The following MPRIP variants were observed in gnomAD, a reference collection of about 807,000 sequenced individuals.
MPRIP encodes myosin phosphatase Rho-interacting protein.
A neutral mutation model predicts 234.9 loss-of-function variants in MPRIP; 59 were observed. The observed-to-expected ratio is 0.25, with a 90% CI of 0.20 to 0.31. The LOEUF is 0.31. Among genes scored for constraint, MPRIP ranks in the 10% least tolerant of loss-of-function variants. The pLI, the probability that MPRIP is intolerant of heterozygous loss-of-function variation, is 1.00. For synonymous variants in MPRIP, 1,144 were observed against 1,263.9 expected, an observed-to-expected ratio of 0.91 and a Z score of 2.01; for missense variants, 2,436 against 3,071.0, an observed-to-expected ratio of 0.79 and a Z score of 4.89.
chr17:17,169,325 A>G (rs921023933), intron 16 of MPRIP, among the ~76,000 whole-genome samples: 2 of 152,192 alleles, frequency 1.3e-5, no homozygotes, highest in Non-Finnish European at 2.9e-5. Flanking sequence ...AGCAGGGTCC[A>G]TGGGGGCAGG....
intron 1 of MPRIP, among the ~76,000 whole-genome samples, chr17:17,056,034 T>G (rs1010425049): frequency 5.3e-5 from 8 of 152,172 alleles, no homozygotes; most frequent in African/African-American, 1.9e-4. Flanking sequence ...CTTCCCTGTC[T>G]CCACATGACT....
chr17:17,175,998 A>C (rs1330643970), intron 20 of MPRIP, among the ~76,000 whole-genome samples: 1 of 152,178 alleles, frequency 6.6e-6, no homozygotes, highest in Non-Finnish European at 1.5e-5. Context: ...TGGTGTGATC[A>C]GCTCCTGCCC....
intron 5 of MPRIP, among the ~76,000 whole-genome samples, chr17:17,135,297 TC>T (rs1437749462): frequency 6.6e-6 from 1 of 152,016 alleles, no homozygotes; most frequent in Non-Finnish European, 1.5e-5. Context: ...AGCTACCACT[TC>T]CAGAACCATG....
At chr17:17,104,754 C>T (rs2090031282) in intron 3 of MPRIP, among the ~76,000 whole-genome samples, 1 of 152,166 alleles carries the variant, frequency 6.6e-6, no homozygotes, top group South Asian at 2.1e-4. Flanking sequence ...CCGCTGCCTC[C>T]CTTCGGAGCA....
chr17:17,161,765 C>A (rs1429291354), intron 15 of MPRIP, among the ~76,000 whole-genome samples: 1 of 152,184 alleles, frequency 6.6e-6, no homozygotes, highest in African/African-American at 2.4e-5. Context: ...CACAGCAAGT[C>A]CAGTGCCTGC....
intron 7 of MPRIP, chr17:17,141,654 C>T (rs2090821474): frequency 6.6e-6 from 1 of 152,380 alleles, no homozygotes; most frequent in Non-Finnish European, 1.5e-5. Flanking sequence ...CTTGTTTCCT[C>T]TCTTCCTTGT....
intron 3 of MPRIP, among the ~76,000 whole-genome samples, chr17:17,102,693 T>C (rs987195556): frequency 6.6e-6 from 1 of 152,056 alleles, no homozygotes; most frequent in African/African-American, 2.4e-5. Context: ...CAGGTACCCC[T>C]CACTCTGTGG....
intron 5 of MPRIP, among the ~76,000 whole-genome samples, chr17:17,132,736 C>T (rs2090622053): frequency 6.6e-6 from 1 of 152,204 alleles, no homozygotes; most frequent in Admixed American, 6.5e-5. Flanking sequence ...ATCCACCCTC[C>T]ATCCTGGGGT....
chr17:17,185,650 G>C lies in MPRIP; in HGVS notation c.*756G>C, dbSNP rs946325536. 2.4e-4 allele frequency: 103 copies of C among 420,776 alleles called. No individual in the cohort carries two copies. The highest frequency in any genetic ancestry group is 3.4e-4 in the Admixed American group (13 of 38,004). The allele number at this position is 420,776 out of a possible 1,614,324, so 26.1% of individuals were successfully genotyped here. On this transcript the variant is annotated 3_prime_UTR_variant, in exon 24 of 24. Coordinates refer to ENST00000651222, the MANE Select transcript of MPRIP (RefSeq NM_001364716.4). ...AACCCTGGTCTTTTCATAACTGCTCGAGATTGTTGACCTGCAGCCCAGGTT... is the reference window on the plus strand; with the variant it reads ...AACCCTGGTCTTTTCATAACTGCTCCAGATTGTTGACCTGCAGCCCAGGTT...
Position 17,042,666 on chromosome 17 carries a change from C to A in MPRIP, c.-183C>A. On this transcript the variant is annotated 5_prime_UTR_variant, in exon 1 of 24. Coordinates refer to ENST00000651222, the MANE Select transcript of MPRIP (RefSeq NM_001364716.4). ...GCTGGGCGTCGCGCGCGCTGTGAGG[C>A]CCGGGCGGCTCAGGAGCCTCGGCGC... The A allele has an allele frequency of 1.8e-6, 1 of 540,750 alleles. No homozygotes were observed. The highest frequency in any genetic ancestry group is 2.3e-6 in the Non-Finnish European group (1 of 426,400). The allele number at this position is 540,750 out of a possible 1,614,324, so 33.5% of individuals were successfully genotyped here.
intron 1 of MPRIP, among the ~76,000 whole-genome samples, chr17:17,045,123 C>T (rs1438237887): frequency 2.0e-5 from 3 of 152,176 alleles, no homozygotes; most frequent in Non-Finnish European, 2.9e-5. Context: ...CTTCCTGCTG[C>T]CCCTCCCAGC....
rs1471079237 is a variant in MPRIP at position 17,042,470 on chromosome 17, C to G, written c.-379C>G. 1 of 146,688 alleles carries G rather than the reference C, an allele frequency of 6.8e-6. No individual in the cohort carries two copies. Among genetic ancestry groups the G allele is most frequent in the Non-Finnish European group, 1.5e-5 (1 of 65,858 alleles). The allele number at this position is 146,688 out of a possible 1,614,324, so 9.1% of individuals were successfully genotyped here. A position where few individuals can be genotyped will look rare whatever the true frequency, so the allele number is the denominator to read the frequency against. ...CCGCCCGCCCCCGTAGTGCGTGAGG[C>G]GCTCCGGTCCCATTTGCAGCGGCCG... On this transcript the variant is annotated 5_prime_UTR_variant, in exon 1 of 24. Transcript: ENST00000651222.
chr17:17,080,513 T>G (rs2089437485), intron 3 of MPRIP, among the ~76,000 whole-genome samples: 1 of 152,200 alleles, frequency 6.6e-6, no homozygotes, highest in South Asian at 2.1e-4. Flanking sequence ...TGCCTGGAAA[T>G]AGACCAGTGG....
chr17:17,131,686 G>GC lies in MPRIP; in HGVS notation c.495dup (p.Thr166HisfsTer29), dbSNP rs35475777. 6.2e-7 allele frequency: 1 copy of GC among 1,613,982 alleles called. No individual in the cohort carries two copies. The highest frequency in any genetic ancestry group is 1.1e-5 in the South Asian group (1 of 91,082). ...ATCAGAAGAAGAAACGGAAAGTGGAGCCCCCCACACCACAGGTAGGCAGTG... is the reference window on the plus strand; with the variant it reads ...ATCAGAAGAAGAAACGGAAAGTGGAGCCCCCCCACACCACAGGTAGGCAGTG... On this transcript the variant is annotated frameshift_variant, in exon 5 of 24. Coordinates refer to ENST00000651222, the MANE Select transcript of MPRIP (RefSeq NM_001364716.4). LOFTEE classifies it high-confidence loss of function.
At position 17,042,471 on chromosome 17, in the gene MPRIP, G is replaced by A. The variant is rs1191030405; in HGVS notation, c.-378G>A. 1 of 146,264 alleles carries A rather than the reference G, an allele frequency of 6.8e-6. No individual in the cohort carries two copies. The highest frequency in any genetic ancestry group is 2.5e-5 in the African/African-American group (1 of 40,526). The allele number at this position is 146,264 out of a possible 1,614,324, so 9.1% of individuals were successfully genotyped here. A position where few individuals can be genotyped will look rare whatever the true frequency, so the allele number is the denominator to read the frequency against. ...CGCCCGCCCCCGTAGTGCGTGAGGC[G>A]CTCCGGTCCCATTTGCAGCGGCCGC... On this transcript the variant is annotated 5_prime_UTR_variant, in exon 1 of 24. Transcript: ENST00000651222.
chr17:17,146,139 G>T, intron 10 of MPRIP, 47 bp downstream of exon 10: 1 of 1,562,902 alleles, frequency 6.4e-7, no homozygotes, highest in Non-Finnish European at 8.8e-7. Flanking sequence ...TGGGGACAGG[G>T]TGAGGGTGAG....
Position 17,186,763 on chromosome 17 carries a change from G to T in MPRIP, c.*1869G>T, listed in dbSNP as rs1173720514. ...AGACCCCCCCTGACCATTTAGATTG[G>T]CAGTGCTTTGAGAAATGCACTATGA... On this transcript the variant is annotated 3_prime_UTR_variant, in exon 24 of 24. Transcript: ENST00000651222. 1 of 152,176 alleles carries T rather than the reference G, an allele frequency of 6.6e-6. No individual in the cohort carries two copies. Among genetic ancestry groups the T allele is most frequent in the Non-Finnish European group, 1.5e-5 (1 of 68,050 alleles). 9.4% of individuals were successfully genotyped at this position (152,176 alleles called of 1,614,324 possible).
At chr17:17,156,371 G>C (rs531336840) in intron 13 of MPRIP, among the ~76,000 whole-genome samples, 3,453 of 152,306 alleles carry the variant, frequency 0.023, 101 homozygotes, top group Middle Eastern at 0.085. Flanking sequence ...TCATAACCTA[G>C]CATATCTGCA....
intron 12 of MPRIP, among the ~76,000 whole-genome samples, chr17:17,151,009 C>CTTATTATTG (rs1555584572): frequency 2.9e-4 from 42 of 145,350 alleles, no homozygotes; most frequent in African/African-American, 1.1e-3. Context: ...CCATGCCCAG[C>CTTATTATTG]TTATTATTAT....
Sources: allele counts gnomAD v4.1 joint callset (sites outside exome capture counted in the v4.1 genomes callset), GRCh38; gene constraint gnomAD v4.1.1; transcripts MANE v1.5; gene names NCBI Gene and HGNC (gene_info 2026-07-23, HGNC 2026-07-21).